Variants in CNTNAP5 observed in about 807,000 individuals in gnomAD.
CNTNAP5 encodes the protein contactin associated protein family member 5, also known as contactin-associated protein-like 5.
A neutral mutation model predicts 150.2 loss-of-function variants in CNTNAP5; 72 were observed. The observed-to-expected ratio is 0.48, with a 90% CI of 0.40 to 0.58. CNTNAP5 has a LOEUF of 0.58. CNTNAP5 is among the 20% of genes least tolerant of loss of function. CNTNAP5 has a pLI of 0.00. For synonymous variants in CNTNAP5, 672 were observed against 619.8 expected, an observed-to-expected ratio of 1.08 and a Z score of -1.25; for missense variants, 1,636 against 1,626.2, an observed-to-expected ratio of 1.01 and a Z score of -0.10.
chr2:124,341,333 T>C (rs2104692082), intron 3 of CNTNAP5, among the ~76,000 whole-genome samples: 1 of 152,186 alleles, frequency 6.6e-6, no homozygotes, highest in African/African-American at 2.4e-5. Flanking sequence ...TGCTACTAAG[T>C]CTCTTTCATT....
At chr2:124,440,769 T>A (rs1692654068) in intron 5 of CNTNAP5, among the ~76,000 whole-genome samples, 1 of 152,164 alleles carries the variant, frequency 6.6e-6, no homozygotes, top group African/African-American at 2.4e-5. Flanking sequence ...ATTATTTCCC[T>A]TATCTATTTC....
intron 19 of CNTNAP5, among the ~76,000 whole-genome samples, chr2:124,825,299 A>AT (rs1682569469): frequency 6.6e-6 from 1 of 152,042 alleles, no homozygotes; most frequent in South Asian, 2.1e-4. Context: ...AATAGTATTT[A>AT]TTTTTTAGAT....
intron 1 of CNTNAP5, among the ~76,000 whole-genome samples, chr2:124,196,275 G>A (rs1422789648): frequency 1.3e-5 from 2 of 152,088 alleles, no homozygotes; most frequent in Admixed American, 6.5e-5. Context: ...GCAAGGGACT[G>A]GAGTGGATTT....
intron 8 of CNTNAP5, among the ~76,000 whole-genome samples, chr2:124,510,864 T>G (rs1277758882): frequency 6.6e-6 from 1 of 152,156 alleles, no homozygotes; most frequent in Non-Finnish European, 1.5e-5. Flanking sequence ...ACTGTGAACC[T>G]TATCTGAAAA....
At chr2:124,674,546 T>TCTTCCTTC (rs1553430202) in intron 13 of CNTNAP5, among the ~76,000 whole-genome samples, 1 of 130,224 alleles carries the variant, frequency 7.7e-6, no homozygotes, top group Non-Finnish European at 1.6e-5. Context: ...TTTCTTTCTT[T>TCTTCCTTC]CTTTCTTCCT....
At position 124,767,004 on chromosome 2, in the gene CNTNAP5, G is replaced by T. The variant is rs1330843950; in HGVS notation, c.2533+2857G>T. On this transcript the variant is annotated intron_variant, in intron 16 of 23. Transcript: ENST00000682447. ...TTTGTTATTATTAATATTTAAAAGG[G>T]GAAAAGACCAAAGTGGGATGGAAAC... 2.6e-5 allele frequency among the ~76,000 whole-genome samples: 4 copies of T among 152,040 alleles called. No individual in the cohort carries two copies. The South Asian group carries it at 8.3e-4, about 32-fold the overall frequency.
chr2:124,572,928 G>A (rs530540604), intron 11 of CNTNAP5, among the ~76,000 whole-genome samples: 6 of 152,106 alleles, frequency 3.9e-5, no homozygotes, highest in East Asian at 1.9e-4. Flanking sequence ...TTATTCTACC[G>A]TATAAAAATT....
At chr2:124,143,933 C>A (rs1684181762) in intron 1 of CNTNAP5, among the ~76,000 whole-genome samples, 2 of 146,478 alleles carry the variant, frequency 1.4e-5, no homozygotes, top group Non-Finnish European at 3.0e-5. Context: ...TGATAAGCAA[C>A]TTCAGCAAAG....
intron 13 of CNTNAP5, among the ~76,000 whole-genome samples, chr2:124,709,169 G>A (rs1355784528): frequency 6.6e-6 from 1 of 152,012 alleles, no homozygotes; most frequent in African/African-American, 2.4e-5. Flanking sequence ...AAACTGAAAT[G>A]TGAGATAACA....
intron 13 of CNTNAP5, among the ~76,000 whole-genome samples, chr2:124,700,522 T>C (rs547688474): frequency 6.6e-6 from 1 of 152,270 alleles, no homozygotes; most frequent in Admixed American, 6.5e-5. Flanking sequence ...CCAACACTTG[T>C]CATTGTCTTT....
At chr2:124,057,519 T>C (rs192823492) in intron 1 of CNTNAP5, among the ~76,000 whole-genome samples, 3,146 of 146,406 alleles carry the variant, frequency 0.021, 41 homozygotes, top group Non-Finnish European at 0.032. Context: ...CTGGATCTCC[T>C]GACCTCGTGA....
intron 19 of CNTNAP5, among the ~76,000 whole-genome samples, chr2:124,832,169 T>C (rs1367156471): frequency 1.3e-5 from 2 of 152,116 alleles, no homozygotes; most frequent in African/African-American, 2.4e-5. Flanking sequence ...GGCAAAAATG[T>C]ATGCTGATGA....
At chr2:124,478,924 C>T in intron 7 of CNTNAP5, among the ~76,000 whole-genome samples, 1 of 152,150 alleles carries the variant, frequency 6.6e-6, no homozygotes, top group East Asian at 1.9e-4. Context: ...GCCTCTTTAG[C>T]AGGCTGCATT....
chr2:124,630,934 A>T (rs1282370613), intron 12 of CNTNAP5, among the ~76,000 whole-genome samples: 2 of 152,140 alleles, frequency 1.3e-5, no homozygotes, highest in Non-Finnish European at 2.9e-5. Flanking sequence ...CCAACAAAAG[A>T]CAAGCAGAGA....
At chr2:124,460,325 A>T (rs976013949) in intron 6 of CNTNAP5, among the ~76,000 whole-genome samples, 4 of 152,306 alleles carry the variant, frequency 2.6e-5, no homozygotes, top group Admixed American at 1.3e-4. Context: ...TCCATCCAGA[A>T]AAGTACTTTA....
At chr2:124,710,340 A>C (rs912328616) in intron 13 of CNTNAP5, among the ~76,000 whole-genome samples, 2 of 152,200 alleles carry the variant, frequency 1.3e-5, no homozygotes, top group Admixed American at 1.3e-4. Context: ...GAGAGTTTCC[A>C]TCTTGCAAAT....
chr2:124,822,833 G>GA (rs1370959358), intron 19 of CNTNAP5, among the ~76,000 whole-genome samples: 1 of 151,878 alleles, frequency 6.6e-6, no homozygotes, highest in African/African-American at 2.4e-5. Context: ...AAATTTTAAA[G>GA]AAAAAAAACT....
intron 19 of CNTNAP5, among the ~76,000 whole-genome samples, chr2:124,833,423 T>G (rs752173036): frequency 1.3e-5 from 2 of 152,140 alleles, no homozygotes; most frequent in Admixed American, 6.5e-5. Flanking sequence ...CCCACAATGT[T>G]CCAAATGGTC....
At chr2:124,645,296 T>A (rs1291853958) in intron 12 of CNTNAP5, among the ~76,000 whole-genome samples, 2 of 152,190 alleles carry the variant, frequency 1.3e-5, no homozygotes, top group African/African-American at 4.8e-5. Flanking sequence ...AAATATAATC[T>A]TAGGTTGGAT....
Sources: allele counts gnomAD v4.1 joint callset (sites outside exome capture counted in the v4.1 genomes callset), GRCh38; gene constraint gnomAD v4.1.1; transcripts MANE v1.5; gene names NCBI Gene and HGNC (gene_info 2026-07-23, HGNC 2026-07-21).